Variants in SEC23A observed in about 807,000 individuals in gnomAD.
SEC23A encodes SEC23 homolog A, COPII component.
Under a neutral mutation model 103.7 loss-of-function variants are expected in SEC23A, and 56 were observed. That is an observed-to-expected ratio of 0.54 (90% CI 0.44 to 0.67). SEC23A has a LOEUF of 0.67. Ranked by LOEUF, SEC23A falls within the 30% of genes least tolerant of loss-of-function variation. The pLI, the probability that SEC23A is intolerant of heterozygous loss-of-function variation, is 0.00. For synonymous variants in SEC23A, 281 were observed against 293.0 expected (o/e 0.96, Z 0.42); for missense variants, 784 against 936.4 (o/e 0.84, Z 2.12).
At chr14:39,097,822 A>G (rs1163967821) in intron 1 of SEC23A, among the ~76,000 whole-genome samples, 1 of 152,100 alleles carries the variant, frequency 6.6e-6, no homozygotes, top group East Asian at 1.9e-4. Flanking sequence ...CAGTGGCTCA[A>G]GCCTGTAATC....
chr14:39,076,158 T>C, intron 7 of SEC23A, 65 bp from the exon 8 acceptor site: 1 of 1,148,364 alleles, frequency 8.7e-7, no homozygotes, highest in Non-Finnish European at 1.3e-6. Context: ...ATAATAATTT[T>C]TTATATATTC....
chr14:39,073,069 A>G (rs8009176), intron 9 of SEC23A, among the ~76,000 whole-genome samples: 5 of 152,366 alleles, frequency 3.3e-5, no homozygotes, highest in African/African-American at 1.2e-4. Context: ...TATTCACAGT[A>G]GCCAAAAAGT....
chr14:39,081,761 T>A (rs1330456956), intron 7 of SEC23A, among the ~76,000 whole-genome samples: 2 of 151,600 alleles, frequency 1.3e-5, no homozygotes, highest in Non-Finnish European at 1.5e-5. Context: ...TAATATAAAA[T>A]TTTTTTTATT....
At position 39,055,202 on chromosome 14, in the gene SEC23A, C is replaced by A; in HGVS notation, c.1600G>T (p.Ala534Ser). 6.2e-7 allele frequency: 1 copy of A among 1,614,196 alleles called. No homozygotes were observed. The highest frequency in any genetic ancestry group is 1.6e-4 in the Middle Eastern group (1 of 6,062). The change falls in exon 14 of 20, where the codon GCA becomes TCA. Residue 534 changes from alanine (A) to serine (S), a missense_variant. Transcript: ENST00000307712. ...ILMARLAIYR[A>S]ETEEGPDVLR... Reference sequence around the variant, plus strand: ...ACATCTGGACCTTCTTCTGTTTCTGCTCTATATATTGCTAGCCGGGCCATA... The same window carrying A: ...ACATCTGGACCTTCTTCTGTTTCTGATCTATATATTGCTAGCCGGGCCATA...
chr14:39,063,947 G>C (rs1886565156), intron 11 of SEC23A, among the ~76,000 whole-genome samples: 1 of 151,288 alleles, frequency 6.6e-6, no homozygotes, highest in South Asian at 2.1e-4. Flanking sequence ...AGTGAGCCGA[G>C]AAGGCGCCAC....
chr14:39,056,958 G>A (rs1213593299), intron 13 of SEC23A, among the ~76,000 whole-genome samples: 1 of 152,024 alleles, frequency 6.6e-6, no homozygotes, highest in Non-Finnish European at 1.5e-5. Flanking sequence ...AGTTATTCAG[G>A]AGGCTAAGGT....
chr14:39,081,874 T>A (rs73287662), intron 7 of SEC23A, among the ~76,000 whole-genome samples: 2,710 of 152,270 alleles, frequency 0.018, 96 homozygotes, highest in African/African-American at 0.062. Flanking sequence ...TGCACATACA[T>A]CTTCTTCTTA....
intron 19 of SEC23A, among the ~76,000 whole-genome samples, chr14:39,036,583 T>C (rs1229999903): frequency 6.6e-6 from 1 of 152,132 alleles, no homozygotes; most frequent in Non-Finnish European, 1.5e-5. Flanking sequence ...AAAACCTTTC[T>C]GTCTTCACCC....
At chr14:39,067,617 A>G (rs1316158495) in intron 9 of SEC23A, among the ~76,000 whole-genome samples, 1 of 151,662 alleles carries the variant, frequency 6.6e-6, no homozygotes, top group Non-Finnish European at 1.5e-5. Context: ...ATAGTAACAA[A>G]TGTTCTCCAT....
In SEC23A at chr14:39,090,822, C is replaced by A. The variant is rs189602441; in HGVS notation, c.603+655G>T. ...CTCATTCTGCACGACAATGAGGTGA[C>A]CATCACAGTGGATTAGATCAATGCC... On this transcript the variant is annotated intron_variant, in intron 5 of 19. Transcript: ENST00000307712. The A allele has an allele frequency of 4.2e-4, 84 of 199,250 alleles. 1 individual carries two copies. In the East Asian group the frequency reaches 0.011, roughly 26 times the overall value. The allele number at this position is 199,250 out of a possible 1,614,324, so 12.3% of individuals were successfully genotyped here.
rs1887659934 is a variant in SEC23A at position 39,091,468 on chromosome 14, G to A, written c.603+9C>T. Reference sequence around the variant, plus strand: ...CAGATAGGTAAAAACTACCATTCTTGTTGTTTACCTGCAGTTGTTTGGCAG... The same window carrying A: ...CAGATAGGTAAAAACTACCATTCTTATTGTTTACCTGCAGTTGTTTGGCAG... On this transcript the variant is annotated intron_variant, in intron 5 of 19. Transcript: ENST00000307712. The A allele has an allele frequency of 1.3e-6, 2 of 1,596,248 alleles. No individual in the cohort carries two copies. The highest frequency in any genetic ancestry group is 1.3e-5 in the African/African-American group (1 of 74,672).
chr14:39,056,918 G>A (rs1016889545), intron 13 of SEC23A, among the ~76,000 whole-genome samples: 20 of 152,084 alleles, frequency 1.3e-4, no homozygotes, highest in Admixed American at 1.2e-3. Flanking sequence ...TACTAGTCCA[G>A]TCAGCATGGT....
At chr14:39,052,448 G>A (rs979809785) in intron 14 of SEC23A, among the ~76,000 whole-genome samples, 1 of 152,138 alleles carries the variant, frequency 6.6e-6, no homozygotes, top group African/African-American at 2.4e-5. Context: ...TCATTTCAGT[G>A]TATTCATGCA....
chr14:39,039,464 T>C (rs1019744540), intron 18 of SEC23A: 18 of 222,430 alleles, frequency 8.1e-5, no homozygotes, highest in Non-Finnish European at 8.7e-6. Flanking sequence ...AAAATCTGTA[T>C]GTTCTTTTGC....
chr14:39,056,567 T>C (rs561399949), intron 13 of SEC23A, among the ~76,000 whole-genome samples: 22 of 151,686 alleles, frequency 1.5e-4, no homozygotes, highest in Non-Finnish European at 2.5e-4. Flanking sequence ...CTCTGTCTCC[T>C]GGGTTCAAGC....
At position 39,059,411 on chromosome 14, in the gene SEC23A, CAT is replaced by C. The variant is rs1251561911; in HGVS notation, c.1505+2352_1505+2353del. ...ATGCTATAAATGGCACCATAACACA[CAT>C]ATGTCTCTACAAATAGCCTCATAAA... is the stretch of plus-strand genomic sequence containing the variant. On this transcript the variant is annotated intron_variant, in intron 13 of 19. Transcript: ENST00000307712. Among the ~76,000 whole-genome samples, 10 of 150,654 alleles carry C rather than the reference CAT, an allele frequency of 6.6e-5. No homozygotes were observed. The East Asian group carries it at 1.4e-3, about 21-fold the overall frequency.
chr14:39,089,837 T>A (rs1887596180), intron 5 of SEC23A, among the ~76,000 whole-genome samples: 1 of 152,132 alleles, frequency 6.6e-6, no homozygotes, highest in Non-Finnish European at 1.5e-5. Context: ...GTGCCAGTAG[T>A]CCCAGCTACT....
intron 19 of SEC23A, among the ~76,000 whole-genome samples, chr14:39,034,398 A>G (rs1885396323): frequency 6.6e-6 from 1 of 152,256 alleles, no homozygotes; most frequent in African/African-American, 2.4e-5. Flanking sequence ...TACACACAGT[A>G]GACATACATG....
Position 39,054,202 on chromosome 14 carries a change from G to C in SEC23A, c.1659+941C>G, listed in dbSNP as rs1247518617. Among the ~76,000 whole-genome samples, 5 of 151,686 alleles carry C rather than the reference G, an allele frequency of 3.3e-5. No individual in the cohort carries two copies. The East Asian group carries it at 9.6e-4, about 29-fold the overall frequency. On this transcript the variant is annotated intron_variant, in intron 14 of 19. Transcript: ENST00000307712. ...AAGTGGGAGAATCACTTGAGCAGGG[G>C]AAGTCAAGGCTATGATGAGCCATGA...
Sources: allele counts gnomAD v4.1 joint callset (sites outside exome capture counted in the v4.1 genomes callset), GRCh38; gene constraint gnomAD v4.1.1; transcripts MANE v1.5; gene names NCBI Gene and HGNC (gene_info 2026-07-23, HGNC 2026-07-21).